The following RAB10 variants were observed in gnomAD, a reference collection of about 807,000 sequenced individuals.
The protein encoded by RAB10 is RAB10, member RAS oncogene family.
RAB10 carries 5 observed loss-of-function variants against 25.7 expected under a neutral mutation model. The ratio of observed to expected loss-of-function variants is 0.19; its 90% CI spans 0.10 to 0.41. The LOEUF (loss-of-function observed/expected upper bound fraction) is 0.41, where lower values mean the gene tolerates loss of function less well. Ranked by LOEUF, RAB10 falls within the 10% of genes least tolerant of loss-of-function variation. The pLI, the probability that RAB10 is intolerant of heterozygous loss-of-function variation, is 1.00. For synonymous variants in RAB10, 89 were observed against 86.4 expected, an observed-to-expected ratio of 1.03 and a Z score of -0.16; for missense variants, 103 against 245.8, an observed-to-expected ratio of 0.42 and a Z score of 3.89.
chr2:26,108,111 C>T (rs879842289), intron 2 of RAB10, among the ~76,000 whole-genome samples: 14 of 152,230 alleles, frequency 9.2e-5, no homozygotes, highest in South Asian at 6.2e-4. Flanking sequence ...AGTTTCTTAC[C>T]GTTATACACT....
At chr2:26,083,207 A>G (rs1666904661) in intron 1 of RAB10, among the ~76,000 whole-genome samples, 1 of 152,214 alleles carries the variant, frequency 6.6e-6, no homozygotes, top group East Asian at 1.9e-4. Flanking sequence ...GAAATAAGTC[A>G]GAAGATGTAA....
At chr2:26,059,020 T>C (rs914960733) in intron 1 of RAB10, among the ~76,000 whole-genome samples, 13 of 152,216 alleles carry the variant, frequency 8.5e-5, no homozygotes, top group African/African-American at 3.1e-4. Flanking sequence ...TTCTCAAATA[T>C]TTGAAAGACA....
intron 1 of RAB10, among the ~76,000 whole-genome samples, chr2:26,078,052 C>T (rs1484085432): frequency 6.6e-6 from 1 of 152,054 alleles, no homozygotes; most frequent in African/African-American, 2.4e-5. Context: ...AGCAGTGAAT[C>T]ATCCAAAAAT....
chr2:26,049,914 A>G (rs1666098020), intron 1 of RAB10, among the ~76,000 whole-genome samples: 1 of 152,164 alleles, frequency 6.6e-6, no homozygotes, highest in Non-Finnish European at 1.5e-5. Flanking sequence ...ATGAATTTCC[A>G]CATAGCCAAA....
At chr2:26,069,125 A>G (rs1041382661) in intron 1 of RAB10, among the ~76,000 whole-genome samples, 8 of 152,172 alleles carry the variant, frequency 5.3e-5, no homozygotes, top group Admixed American at 3.3e-4. Flanking sequence ...ATGCTTTGAA[A>G]TTTTAATGCC....
rs551197824 is a variant in RAB10 at position 26,103,836 on chromosome 2, T to C, written c.188+5114T>C. On this transcript the variant is annotated intron_variant, in intron 2 of 5. Transcript: ENST00000264710. ...TTCAAATAGATGGAATCATATAATATATGGTCTTTTGTGACTAGTTTCTTT... is the reference window on the plus strand; with the variant it reads ...TTCAAATAGATGGAATCATATAATACATGGTCTTTTGTGACTAGTTTCTTT... Among the ~76,000 whole-genome samples the C allele has an allele frequency of 1.1e-3, 160 of 152,324 alleles. 1 individual carries two copies. The highest frequency in any genetic ancestry group is 3.6e-3 in the African/African-American group (148 of 41,574).
intron 3 of RAB10, among the ~76,000 whole-genome samples, chr2:26,121,233 G>C (rs981894280): frequency 6.6e-6 from 1 of 152,148 alleles, no homozygotes; most frequent in Non-Finnish European, 1.5e-5. Context: ...TGTTAAGCTT[G>C]TGATTCTACT....
At chr2:26,132,752 G>A (rs1023266272) in intron 5 of RAB10, among the ~76,000 whole-genome samples, 5 of 137,872 alleles carry the variant, frequency 3.6e-5, no homozygotes, top group African/African-American at 8.3e-5. Flanking sequence ...ATTTTGCTCC[G>A]CAAGAGATAC....
intron 2 of RAB10, chr2:26,101,727 C>CT (rs397794965): frequency 6.6e-6 from 1 of 151,416 alleles, no homozygotes; most frequent in African/African-American, 2.4e-5. Context: ...GAATGGTGGC[C>CT]TGCAGATGGC....
At chr2:26,078,414 CT>C (rs1200416352) in intron 1 of RAB10, among the ~76,000 whole-genome samples, 1 of 152,140 alleles carries the variant, frequency 6.6e-6, no homozygotes, top group Non-Finnish European at 1.5e-5. Flanking sequence ...GATTTCAGTG[CT>C]TAAAAGAAAG....
chr2:26,070,797 C>T (rs950815502), intron 1 of RAB10, among the ~76,000 whole-genome samples: 2 of 152,114 alleles, frequency 1.3e-5, no homozygotes, highest in Admixed American at 6.5e-5. Flanking sequence ...CATTGTATGG[C>T]ATGTAAATTC....
intron 3 of RAB10, among the ~76,000 whole-genome samples, chr2:26,114,737 C>CAAAAAA (rs58252306): frequency 1.2e-4 from 8 of 66,074 alleles, no homozygotes; most frequent in African/African-American, 3.8e-4. Flanking sequence ...CAAAAATATA[C>CAAAAAA]AAAAAAAAAA....
At chr2:26,098,114 T>TTTTTTTTTTTTTTTTTTTTTTTTTC (rs1667265228) in intron 1 of RAB10, among the ~76,000 whole-genome samples, 2 of 12,804 alleles carry the variant, frequency 1.6e-4, no homozygotes, top group Non-Finnish European at 3.4e-4. Flanking sequence ...TCTTTCTTTT[T>TTTTTTTTTTTTTTTTTTTTTTTTTC]TTTTTTTTTT....
intron 1 of RAB10, among the ~76,000 whole-genome samples, chr2:26,077,891 G>A (rs1157235856): frequency 6.6e-6 from 1 of 152,052 alleles, no homozygotes; most frequent in Non-Finnish European, 1.5e-5. Flanking sequence ...AGGCAGGAGA[G>A]TCACTTGGTC....
intron 1 of RAB10, among the ~76,000 whole-genome samples, chr2:26,064,289 G>T (rs984366228): frequency 4.6e-5 from 7 of 151,934 alleles, no homozygotes; most frequent in African/African-American, 1.7e-4. Flanking sequence ...GTTTATTTTT[G>T]CTTTAATGAA....
chr2:26,071,698 AAAAAGG>A (rs1666630264), intron 1 of RAB10, among the ~76,000 whole-genome samples: 1 of 151,800 alleles, frequency 6.6e-6, no homozygotes, highest in Non-Finnish European at 1.5e-5. Context: ...CAAAAAAAAA[AAAAAGG>A]AAGTTTGGAA....
rs569232931 is a variant in RAB10 at position 26,109,664 on chromosome 2, A to T, written c.189-104A>T. 1.6e-5 allele frequency: 19 copies of T among 1,196,288 alleles called. No individual in the cohort carries two copies. The African/African-American group carries it at 3.0e-4, about 19-fold the overall frequency. 74.1% of individuals were successfully genotyped at this position (1,196,288 alleles called of 1,614,324 possible). ...TAGGTTATTAATTTCCTTCAACTAA[A>T]AAGTTTTTATATATACTTAGGAAAA... On this transcript the variant is annotated intron_variant, in intron 2 of 5. Coordinates refer to ENST00000264710, the MANE Select transcript of RAB10 (RefSeq NM_016131.5).
At chr2:26,098,495 C>T (rs751308038) in intron 1 of RAB10, 167 bp from the exon 2 acceptor site, 3 of 579,124 alleles carry the variant, frequency 5.2e-6, no homozygotes, top group Non-Finnish European at 6.0e-6. Flanking sequence ...TTGTATTACT[C>T]AGGTTTAAAA....
intron 1 of RAB10, among the ~76,000 whole-genome samples, chr2:26,089,246 G>A (rs1667053623): frequency 1.3e-5 from 2 of 151,866 alleles, no homozygotes; most frequent in Admixed American, 1.3e-4. Flanking sequence ...CCAAAATGGT[G>A]AAACCCTGTC....
Sources: allele counts gnomAD v4.1 joint callset (sites outside exome capture counted in the v4.1 genomes callset), GRCh38; gene constraint gnomAD v4.1.1; transcripts MANE v1.5; gene names NCBI Gene and HGNC (gene_info 2026-07-23, HGNC 2026-07-21).